Variants in MRTFA observed in about 807,000 individuals in gnomAD.
The protein encoded by MRTFA is myocardin related transcription factor A.
A neutral mutation model predicts 83.5 loss-of-function variants in MRTFA; 20 were observed. The ratio of observed to expected loss-of-function variants is 0.24; its 90% CI spans 0.17 to 0.35. The LOEUF (loss-of-function observed/expected upper bound fraction) is 0.35. Among genes scored for constraint, MRTFA ranks in the 10% least tolerant of loss-of-function variants. The pLI, the probability that MRTFA is intolerant of heterozygous loss-of-function variation, is 1.00. For missense variants in MRTFA, 1,200 were observed against 1,224.7 expected (o/e 0.98, Z 0.30); for synonymous variants, 659 against 541.2 (o/e 1.22, Z -3.02).
chr22:40,421,126 A>G, intron 9 of MRTFA, 26 bp from the exon 10 acceptor site: 1 of 1,506,206 alleles, frequency 6.6e-7, no homozygotes, highest in East Asian at 2.4e-5. Context: ...ACAGGGTGCC[A>G]TTCAGGGGCA....
At position 40,417,017 on chromosome 22, in the gene MRTFA, G is replaced by A. The variant is rs140747739; in HGVS notation, c.2547C>T (p.Asp849=). The A allele has an allele frequency of 3.3e-5, 52 of 1,598,462 alleles. No individual in the cohort carries two copies. Among genetic ancestry groups the A allele is most frequent in the Admixed American group, 2.3e-4 (13 of 57,648 alleles). The change falls in exon 14 of 15, where the codon GAC becomes GAT. Residue 849 remains aspartate, a synonymous_variant. Transcript: ENST00000355630. ...TCTGAATGAGAATGTCAAACAGGTC[G>A]TCCATCTGCTGGCTTGAGGAACCAT...
chr22:40,589,467 G>A (rs753303036), intron 2 of MRTFA, among the ~76,000 whole-genome samples: 1 of 152,130 alleles, frequency 6.6e-6, no homozygotes, highest in Non-Finnish European at 1.5e-5. Flanking sequence ...CTGAGCCAGG[G>A]TTCAAACCCA....
chr22:40,468,627 A>G (rs2053849957), intron 3 of MRTFA, among the ~76,000 whole-genome samples: 1 of 152,212 alleles, frequency 6.6e-6, no homozygotes, highest in South Asian at 2.1e-4. Flanking sequence ...TTTTCAGAAT[A>G]TTTATGTTAG....
At position 40,527,427 on chromosome 22, in the gene MRTFA, A is replaced by C. The variant is rs147305889; in HGVS notation, c.241+24679T>G. ...GATGGCAGAGTGGTTTTTTAGCATT[A>C]TTTTCCTTGTCGTTATAAAGAAAAT... On this transcript the variant is annotated intron_variant, in intron 3 of 14. Transcript: ENST00000355630. 2.7e-3 allele frequency among the ~76,000 whole-genome samples: 413 copies of C among 150,514 alleles called. 4 individuals are homozygous for C. Among genetic ancestry groups the C allele is most frequent in the African/African-American group, 9.7e-3 (396 of 40,962 alleles).
intron 4 of MRTFA, among the ~76,000 whole-genome samples, chr22:40,450,655 A>C (rs1326382759): frequency 6.6e-6 from 1 of 151,550 alleles, no homozygotes; most frequent in Non-Finnish European, 1.5e-5. Flanking sequence ...ACAGGGTTTC[A>C]TCACATTGGC....
chr22:40,601,378 C>T (rs1274838943), intron 1 of MRTFA, among the ~76,000 whole-genome samples: 2 of 152,090 alleles, frequency 1.3e-5, no homozygotes, highest in African/African-American at 4.8e-5. Flanking sequence ...CCATGCCTGG[C>T]TAATTTTTTA....
intron 1 of MRTFA, among the ~76,000 whole-genome samples, chr22:40,606,482 G>T (rs2056319900): frequency 6.6e-6 from 1 of 152,156 alleles, no homozygotes. Flanking sequence ...TACTGATGAG[G>T]ACAGAGCCCC....
intron 4 of MRTFA, among the ~76,000 whole-genome samples, chr22:40,456,524 CTAA>C (rs985227807): frequency 2.0e-4 from 31 of 152,178 alleles, no homozygotes; most frequent in Middle Eastern, 3.4e-3. Context: ...CGCATTTCTA[CTAA>C]TAATACAAAA....
intron 3 of MRTFA, among the ~76,000 whole-genome samples, chr22:40,530,573 A>C (rs2055060645): frequency 6.6e-6 from 1 of 152,272 alleles, no homozygotes; most frequent in Non-Finnish European, 1.5e-5. Context: ...CTGGGATTAC[A>C]GGCGTGCGCC....
At chr22:40,602,412 G>T (rs1452128288) in intron 1 of MRTFA, among the ~76,000 whole-genome samples, 2 of 152,116 alleles carry the variant, frequency 1.3e-5, no homozygotes, top group African/African-American at 4.8e-5. Flanking sequence ...AATGAACTTG[G>T]GATCACCACA....
intron 1 of MRTFA, among the ~76,000 whole-genome samples, chr22:40,599,376 T>C (rs1213245578): frequency 3.3e-5 from 5 of 152,178 alleles, no homozygotes; most frequent in Admixed American, 6.5e-5. Flanking sequence ...CATACGCACA[T>C]AGACTCTCCA....
chr22:40,463,368 A>T, intron 3 of MRTFA, 82 bp from the exon 4 acceptor site: 1 of 1,231,672 alleles, frequency 8.1e-7, no homozygotes, highest in Non-Finnish European at 1.2e-6. Context: ...AACGCAAAAA[A>T]AGTCTAAAAA....
At chr22:40,513,602 CAAAAAAAA>C in intron 3 of MRTFA, among the ~76,000 whole-genome samples, 1 of 65,920 alleles carries the variant, frequency 1.5e-5, no homozygotes, top group Non-Finnish European at 3.0e-5. Context: ...GACTCCATCT[CAAAAAAAA>C]AAAAAAAAGA....
intron 2 of MRTFA, among the ~76,000 whole-genome samples, chr22:40,558,008 A>C (rs1326521545): frequency 2.6e-5 from 4 of 152,080 alleles, no homozygotes; most frequent in African/African-American, 9.7e-5. Flanking sequence ...TCCTGGACTC[A>C]AGTGAGCCAC....
chr22:40,476,712 CAAAGTGCTGGAGTACAGAT>C (rs1347224738), intron 3 of MRTFA, among the ~76,000 whole-genome samples: 1 of 152,120 alleles, frequency 6.6e-6, no homozygotes, highest in African/African-American at 2.4e-5. Flanking sequence ...CGCGGCCTCC[CAAAGTGCTGGAGTACAGAT>C]ATGAACCACC....
At chr22:40,493,110 T>C (rs1433425502) in intron 3 of MRTFA, among the ~76,000 whole-genome samples, 1 of 152,156 alleles carries the variant, frequency 6.6e-6, no homozygotes, top group East Asian at 1.9e-4. Flanking sequence ...CACAGTCCCA[T>C]CATTCACATC....
chr22:40,608,169 C>A (rs1371872969), intron 1 of MRTFA, among the ~76,000 whole-genome samples: 1 of 152,114 alleles, frequency 6.6e-6, no homozygotes, highest in Non-Finnish European at 1.5e-5. Flanking sequence ...GGACTACACA[C>A]CCGGCTACTT....
chr22:40,452,095 T>C (rs966902568), intron 4 of MRTFA, among the ~76,000 whole-genome samples: 4 of 149,408 alleles, frequency 2.7e-5, no homozygotes, highest in Non-Finnish European at 5.9e-5. Flanking sequence ...GTGATTCTCC[T>C]GCCTCAGCCT....
At chr22:40,539,505 A>G (rs562967823) in intron 3 of MRTFA, among the ~76,000 whole-genome samples, 19 of 140,672 alleles carry the variant, frequency 1.4e-4, no homozygotes, top group Admixed American at 1.3e-3. Context: ...TGCCCGGCTA[A>G]TTTTTGTGTT....
Sources: allele counts gnomAD v4.1 joint callset (sites outside exome capture counted in the v4.1 genomes callset), GRCh38; gene constraint gnomAD v4.1.1; transcripts MANE v1.5; gene names NCBI Gene and HGNC (gene_info 2026-07-23, HGNC 2026-07-21).